The following BLTP1 variants were observed in gnomAD, a reference collection of about 807,000 sequenced individuals.
BLTP1 encodes fragile site-associated protein.
At chr4:122,240,196 CT>C in the BLTP1 span, 1 of 1,614,080 alleles carries the variant, frequency 6.2e-7, no homozygotes. Context: ...TGTTATCAGA[CT>C]TACCTTACTC....
At chr4:122,317,546 T>C in the BLTP1 span, among the ~76,000 whole-genome samples, 6 of 152,292 alleles carry the variant, frequency 3.9e-5, no homozygotes, top group Admixed American at 3.3e-4. Flanking sequence ...TTACAGTAAA[T>C]ATTCTTGTTG....
chr4:122,286,135 A>G, the BLTP1 span, among the ~76,000 whole-genome samples: 3 of 152,210 alleles, frequency 2.0e-5, no homozygotes, highest in African/African-American at 7.2e-5. Flanking sequence ...ATCAGTAGAC[A>G]TATTGTTAAC....
the BLTP1 span, among the ~76,000 whole-genome samples, chr4:122,176,490 A>G: frequency 3.9e-5 from 6 of 152,200 alleles, no homozygotes; most frequent in Non-Finnish European, 7.3e-5. Flanking sequence ...TTCCAAACAA[A>G]GGTAAATTTT....
the BLTP1 span, among the ~76,000 whole-genome samples, chr4:122,161,566 A>T: frequency 6.6e-6 from 1 of 151,608 alleles, no homozygotes; most frequent in Non-Finnish European, 1.5e-5. Flanking sequence ...CAGTAGATGG[A>T]ACTACAGGTG....
the BLTP1 span, chr4:122,349,677 A>AT: frequency 6.3e-7 from 1 of 1,574,860 alleles, no homozygotes; most frequent in Non-Finnish European, 8.6e-7. The surrounding 1 kb of genome is among the most constrained non-coding windows in gnomAD (Gnocchi z 4.5). Flanking sequence ...GACACTTTAC[A>AT]TGACTGTTCT....
At chr4:122,244,930 G>C in the BLTP1 span, 61 of 1,444,092 alleles carry the variant, frequency 4.2e-5, no homozygotes, top group Non-Finnish European at 5.7e-5. Flanking sequence ...TACATATTCA[G>C]ATGGTGCTAC....
the BLTP1 span, chr4:122,349,313 T>C: frequency 4.3e-6 from 7 of 1,610,508 alleles, no homozygotes; most frequent in South Asian, 1.1e-5. This position sits in a 1 kb window ranked among gnomAD's most constrained non-coding sequence, Gnocchi z 4.5. Context: ...TTGGAGATGG[T>C]TGGTATGTTG....
At chr4:122,301,030 G>T in the BLTP1 span, 28 of 977,688 alleles carry the variant, frequency 2.9e-5, no homozygotes, top group African/African-American at 4.7e-4. Flanking sequence ...TCCCTCAAAT[G>T]TGTTTTCTGA....
At chr4:122,184,891 C>A in the BLTP1 span, 1 of 983,978 alleles carries the variant, frequency 1.0e-6, no homozygotes, top group African/African-American at 1.7e-5. Context: ...TTTTTCCAGA[C>A]ATGAAATCTG....
At chr4:122,361,329 G>A in the BLTP1 span, among the ~76,000 whole-genome samples, 1 of 152,094 alleles carries the variant, frequency 6.6e-6, no homozygotes, top group Non-Finnish European at 1.5e-5. Flanking sequence ...TAACTTCGGG[G>A]AAGGGCGGGA....
At chr4:122,205,707 CCTCT>C in the BLTP1 span, among the ~76,000 whole-genome samples, 1 of 130,468 alleles carries the variant, frequency 7.7e-6, no homozygotes, top group South Asian at 2.5e-4. Context: ...CAATTGTTTC[CCTCT>C]CTCTCTCTCT....
At chr4:122,273,282 C>T in the BLTP1 span, 900 of 980,424 alleles carry the variant, frequency 9.2e-4, 7 homozygotes, top group African/African-American at 0.015. Context: ...GTACCCTAAA[C>T]ATTTATTATT....
chr4:122,274,870 A>C, the BLTP1 span, among the ~76,000 whole-genome samples: 1 of 152,112 alleles, frequency 6.6e-6, no homozygotes, highest in Non-Finnish European at 1.5e-5. Flanking sequence ...TACAGCTCTA[A>C]TAATATTTTA....
chr4:122,152,654 A>G, the BLTP1 span: 11,817 of 983,318 alleles, frequency 0.012, 1,071 homozygotes, highest in African/African-American at 0.19. Flanking sequence ...CTGGAACTCA[A>G]CCTGGTCGGA....
the BLTP1 span, chr4:122,347,720 TA>T: frequency 6.2e-7 from 1 of 1,613,780 alleles, no homozygotes; most frequent in Non-Finnish European, 8.5e-7. Flanking sequence ...GGACAGAGCC[TA>T]AAATCCCCAG....
the BLTP1 span, among the ~76,000 whole-genome samples, chr4:122,183,691 A>G: frequency 6.6e-6 from 1 of 152,200 alleles, no homozygotes; most frequent in African/African-American, 2.4e-5. Context: ...TTTTTAAAGT[A>G]TTAGTTATTT....
At chr4:122,197,298 T>G in the BLTP1 span, 1 of 1,381,322 alleles carries the variant, frequency 7.2e-7, no homozygotes, top group Non-Finnish European at 9.7e-7. Context: ...GTTACTTTTC[T>G]TTTTAAATAA....
At chr4:122,323,537 A>C in the BLTP1 span, among the ~76,000 whole-genome samples, 1 of 151,836 alleles carries the variant, frequency 6.6e-6, no homozygotes, top group Non-Finnish European at 1.5e-5. Flanking sequence ...AGGAAAGGGG[A>C]AAGTTTGATG....
the BLTP1 span, chr4:122,251,069 A>G: frequency 1.0e-6 from 1 of 985,404 alleles, no homozygotes; most frequent in Non-Finnish European, 1.2e-6. Flanking sequence ...AACAGCAACA[A>G]CAAAAATATT....
Sources: allele counts gnomAD v4.1 joint callset (sites outside exome capture counted in the v4.1 genomes callset), GRCh38; gene constraint gnomAD v4.1.1; non-coding constraint Gnocchi (gnomAD v3.1); transcripts MANE v1.5; gene names NCBI Gene and HGNC (gene_info 2026-07-23, HGNC 2026-07-21).